Variants in PLXNA1 observed in about 807,000 individuals in gnomAD.
The protein encoded by PLXNA1 is plexin-A1.
Under a neutral mutation model 191.7 loss-of-function variants are expected in PLXNA1, and 77 were observed. That is an observed-to-expected ratio of 0.40 (90% CI 0.33 to 0.49). The LOEUF (loss-of-function observed/expected upper bound fraction) is 0.49, where lower values mean the gene tolerates loss of function less well. Among genes scored for constraint, PLXNA1 ranks in the 20% least tolerant of loss-of-function variants. PLXNA1 has a pLI of 0.63. For missense variants in PLXNA1, 2,110 were observed against 2,660.2 expected (o/e 0.79, Z 4.55); for synonymous variants, 1,137 against 1,156.4 (o/e 0.98, Z 0.34).
At position 126,988,712 on chromosome 3, in the gene PLXNA1, C is replaced by T. The variant is rs528513486; in HGVS notation, c.119C>T (p.Pro40Leu). The T allele has an allele frequency of 3.2e-6, 5 of 1,573,454 alleles. No homozygotes were observed. The highest frequency in any genetic ancestry group is 4.5e-5 in the East Asian group (2 of 44,478). ...AGGGCAGGCGGGGGTTCACAGCCCC[C>T]CTTCCGCACCTTCTCGGCCAGCGAC... ...LPRAGGGSQP[P>L]FRTFSASDWG... The change falls in exon 2 of 32, where the codon CCC becomes CTC. Residue 40 changes from proline (P) to leucine (L), a missense_variant. Physicochemically the swap from Pro to Leu is moderately conservative, Grantham distance 98. Coordinates refer to ENST00000393409, the MANE Select transcript of PLXNA1 (RefSeq NM_032242.4).
At position 127,030,239 on chromosome 3, in the gene PLXNA1, G is replaced by A. The variant is rs369132556; in HGVS notation, c.5062-4G>A. 2.0e-4 allele frequency: 318 copies of A among 1,612,830 alleles called. 4 individuals are homozygous for A. In the South Asian group the frequency reaches 2.9e-3, roughly 15 times the overall value. ...GGCTCAGTGTCCCTGCCTGCCCCCC[G>A]CAGGGCACACTGCAGAAGTTTGTGG... On this transcript the variant is annotated splice_polypyrimidine_tract_variant and splice_region_variant and intron_variant, in intron 28 of 31. Transcript: ENST00000393409.
chr3:127,032,761 C>T lies in PLXNA1; in HGVS notation c.5520C>T (p.Arg1840=). The part of the protein sequence containing the change: ...DMSAYLAEQS[R]LHLSQFNSMS... ...GTGCGTATCTGGCTGAGCAGTCCCG[C>T]CTGCACCTGAGCCAGTTCAACAGCA... The change falls in exon 31 of 32, where the codon CGC becomes CGT. Residue 1840 remains arginine, a synonymous_variant. Transcript: ENST00000393409. 6.2e-7 allele frequency: 1 copy of T among 1,613,480 alleles called. No individual in the cohort carries two copies. The highest frequency in any genetic ancestry group is 8.5e-7 in the Non-Finnish European group (1 of 1,180,016).
At chr3:127,022,652 G>C in intron 22 of PLXNA1, 100 bp from the exon 23 acceptor site, 1 of 1,106,480 alleles carries the variant, frequency 9.0e-7, no homozygotes, top group South Asian at 1.3e-5. Flanking sequence ...GTAGGAAGGG[G>C]GGCAGGGTGG....
In PLXNA1 at chr3:127,022,180, G is replaced by C. The variant is rs756904268; in HGVS notation, c.4134G>C (p.Gln1378His). Residue 1378 changes from glutamine (Q) to histidine (H), a missense_variant, in exon 22 of 32, where the codon CAG becomes CAC. This residue lies in a region of PLXNA1 where 559 missense variants were observed against 911.5 expected (regional missense o/e 0.61). Transcript: ENST00000393409. ...LLTFIRTLEA[Q>H]RSFSMRDRGN... ...CCTTCATCCGCACGCTGGAGGCACA[G>C]CGCAGCTTCTCCATGCGCGACCGCG... is the stretch of plus-strand genomic sequence containing the variant. The C allele has an allele frequency of 6.2e-7, 1 of 1,613,302 alleles. No individual in the cohort carries two copies. Among genetic ancestry groups the C allele is most frequent in the Non-Finnish European group, 8.5e-7 (1 of 1,180,002 alleles).
intron 25 of PLXNA1, 99 bp downstream of exon 25, chr3:127,028,439 C>T: frequency 7.4e-7 from 1 of 1,347,664 alleles, no homozygotes; most frequent in African/African-American, 1.5e-5. Flanking sequence ...CAGGCCAGTC[C>T]TCCACACCAG....
chr3:126,991,639 C>T, intron 3 of PLXNA1, 73 bp downstream of exon 3: 1 of 1,431,662 alleles, frequency 7.0e-7, no homozygotes, highest in Non-Finnish European at 9.3e-7. Flanking sequence ...TCCCAGGTGG[C>T]AGGCCCAGTG....
At position 127,013,901 on chromosome 3, in the gene PLXNA1, G is replaced by A. The variant is rs562663013; in HGVS notation, c.2314-119G>A. 80 of 827,492 alleles carry A rather than the reference G, an allele frequency of 9.7e-5. 1 individual carries two copies. In the South Asian group the frequency reaches 1.0e-3, roughly 11 times the overall value. The allele number at this position is 827,492 out of a possible 1,614,324, so 51.3% of individuals were successfully genotyped here. A position where few individuals can be genotyped will look rare whatever the true frequency, so the allele number is the denominator to read the frequency against. The stretch of plus-strand genomic sequence containing the variant: ...TGTGTAGGATGAGGGTGGAGAGGGA[G>A]CGGTTGTGGCTGCAGAAACTTCCCC... On this transcript the variant is annotated intron_variant, in intron 10 of 31. Transcript: ENST00000393409.
chr3:127,016,713 C>A (rs922167911), intron 16 of PLXNA1, 29 bp downstream of exon 16: 7 of 1,612,226 alleles, frequency 4.3e-6, no homozygotes, highest in Non-Finnish European at 5.9e-6. Context: ...CATTCCCTAT[C>A]CCCAGCTATT....
At chr3:127,011,316 TC>T (rs2079094567) in intron 9 of PLXNA1, among the ~76,000 whole-genome samples, 1 of 152,092 alleles carries the variant, frequency 6.6e-6, no homozygotes, top group African/African-American at 2.4e-5. Context: ...TCCCTGGAGC[TC>T]CTGAGGGGCC....
chr3:127,001,203 C>A (rs2079038447), intron 3 of PLXNA1, among the ~76,000 whole-genome samples: 1 of 152,120 alleles, frequency 6.6e-6, no homozygotes, highest in Admixed American at 6.5e-5. Flanking sequence ...GCTGGTGTGC[C>A]CCCTGGACCT....
chr3:127,014,436 C>T (rs1325331286), intron 12 of PLXNA1, 42 bp from the exon 13 acceptor site: 35 of 1,586,616 alleles, frequency 2.2e-5, no homozygotes, highest in Non-Finnish European at 2.6e-5. Context: ...GCACACCCTA[C>T]GCCCTGTGGG....
intron 2 of PLXNA1, 43 bp downstream of exon 2, chr3:126,989,830 C>T (rs761962495): frequency 3.0e-5 from 45 of 1,498,508 alleles, no homozygotes; most frequent in Middle Eastern, 3.9e-4. Context: ...GCCCCATCCC[C>T]TCCAGGGACG....
intron 23 of PLXNA1, chr3:127,027,692 C>T (rs1332649427): frequency 3.0e-6 from 2 of 662,788 alleles, no homozygotes; most frequent in African/African-American, 1.8e-5. Flanking sequence ...TACTGCGCCT[C>T]CTGGCTCATG....
In PLXNA1 at chr3:127,003,462, G is replaced by A. The variant is rs138997671; in HGVS notation, c.1510G>A (p.Glu504Lys). ...PNHQYLYAMT[E>K]KQVTRVPVES... The stretch of plus-strand genomic sequence containing the variant: ...CCACCAGTACCTCTACGCCATGACC[G>A]AGAAGCAGGTGGGTGCTGCACCAGT... Residue 504 changes from glutamate to lysine, a missense_variant, in exon 4 of 32, where the codon GAG becomes AAG. Around this residue, in one of 4 missense-constraint regions of PLXNA1, gnomAD observed 903 missense variants for 1,015.7 expected, o/e 0.89. Coordinates refer to ENST00000393409, the MANE Select transcript of PLXNA1 (RefSeq NM_032242.4). 3,406 of 1,608,640 alleles carry A rather than the reference G, an allele frequency of 2.1e-3. 4 individuals carry two copies. The highest frequency in any genetic ancestry group is 2.7e-3 in the Non-Finnish European group (3,184 of 1,177,096).
rs909504533 is a variant in PLXNA1 at position 127,000,563 on chromosome 3, C to T, written c.1378-2767C>T. Among the ~76,000 whole-genome samples, 6 of 152,346 alleles carry T rather than the reference C, an allele frequency of 3.9e-5. No individual in the cohort carries two copies. The South Asian group carries it at 6.2e-4, about 16-fold the overall frequency. The stretch of plus-strand genomic sequence containing the variant: ...GTACTGGCTCCCCCTTCCCACTTTA[C>T]GAGCAGCCTCTGTACTCCTCCCAGG... On this transcript the variant is annotated intron_variant, in intron 3 of 31. Transcript: ENST00000393409.
intron 9 of PLXNA1, among the ~76,000 whole-genome samples, chr3:127,009,900 G>A (rs1255450566): frequency 6.6e-6 from 1 of 152,240 alleles, no homozygotes; most frequent in Non-Finnish European, 1.5e-5. Flanking sequence ...CATGAGACAC[G>A]CTGAGAAGTC....
At chr3:127,017,718 C>T (rs773370237) in intron 18 of PLXNA1, 31 bp from the exon 19 acceptor site, 7 of 1,613,116 alleles carry the variant, frequency 4.3e-6, no homozygotes, top group Non-Finnish European at 4.2e-6. Context: ...GCCCCTCGTC[C>T]TGGGCTCTGG....
chr3:126,994,939 C>G (rs1015379306), intron 3 of PLXNA1, among the ~76,000 whole-genome samples: 1 of 151,930 alleles, frequency 6.6e-6, no homozygotes, highest in African/African-American at 2.4e-5. Context: ...CGCCTCCTGC[C>G]TTCTTCACTT....
intron 1 of PLXNA1, among the ~76,000 whole-genome samples, chr3:126,983,693 G>C (rs552006959): frequency 6.6e-6 from 1 of 151,550 alleles, no homozygotes; most frequent in South Asian, 2.1e-4. Context: ...ACGGAGGCTG[G>C]GGAGAAAGTT....
Sources: allele counts gnomAD v4.1 joint callset (sites outside exome capture counted in the v4.1 genomes callset), GRCh38; gene constraint gnomAD v4.1.1; regional missense constraint gnomAD v4.1.1; transcripts MANE v1.5; gene names NCBI Gene and HGNC (gene_info 2026-07-23, HGNC 2026-07-21).